The following MRTFB variants were observed in gnomAD, a reference collection of about 807,000 sequenced individuals.
The protein encoded by MRTFB is myocardin-related transcription factor B.
MRTFB carries 29 observed loss-of-function variants against 104.2 expected under a neutral mutation model. The ratio of observed to expected loss-of-function variants is 0.28; its 90% confidence interval spans 0.21 to 0.38. The LOEUF (loss-of-function observed/expected upper bound fraction) is 0.38. Ranked by LOEUF, MRTFB falls within the 10% of genes least tolerant of loss-of-function variation. MRTFB has a pLI of 1.00. For missense variants in MRTFB, 1,270 were observed against 1,341.6 expected (o/e 0.95, Z 0.83); for synonymous variants, 535 against 519.5 (o/e 1.03, Z -0.41).
At chr16:14,036,167 ATATATT>A in the MRTFB span, among the ~76,000 whole-genome samples, 1 of 59,554 alleles carries the variant, frequency 1.7e-5, no homozygotes, top group Non-Finnish European at 3.2e-5. Context: ...TATATAAAAT[ATATATT>A]ATATATTATA....
At chr16:14,195,747 G>A (rs1261901218) in intron 3 of MRTFB, 1 of 183,702 alleles carries the variant, frequency 5.4e-6, no homozygotes, top group Non-Finnish European at 1.0e-5. Flanking sequence ...GCTTTAGCTT[G>A]TAGCACTAGC....
chr16:14,017,709 ATATTTTTT>A, the MRTFB span, among the ~76,000 whole-genome samples: 23 of 15,916 alleles, frequency 1.4e-3, 1 homozygote, highest in South Asian at 0.01. Flanking sequence ...ATATATATAT[ATATTTTTT>A]TTTTTTTTTT....
At position 14,215,801 on chromosome 16, in the gene MRTFB, C is replaced by T. The variant is rs148069941; in HGVS notation, c.353-1325C>T. ...TACATTTATTTACCAATATTCCAAC[C>T]TTGTGCTAGGGCCTTCTCTTTGGGT... On this transcript the variant is annotated intron_variant, in intron 6 of 16. Transcript: ENST00000571589. Among the ~76,000 whole-genome samples the T allele has an allele frequency of 7.2e-5, 11 of 152,324 alleles. No homozygotes were observed. The East Asian group carries it at 2.1e-3, about 29-fold the overall frequency.
chr16:14,243,686 A>G (rs1036653353), intron 10 of MRTFB, among the ~76,000 whole-genome samples: 3 of 152,150 alleles, frequency 2.0e-5, no homozygotes, highest in Admixed American at 6.5e-5. Context: ...AAATTGAAGT[A>G]TAACTTACAC....
At chr16:14,162,173 AATTATTTTTTAATAG>A (rs1396702559) in intron 3 of MRTFB, among the ~76,000 whole-genome samples, 12 of 148,862 alleles carry the variant, frequency 8.1e-5, no homozygotes, top group African/African-American at 3.1e-4. Context: ...AAAAAAAAAA[AATTATTTTTTAATAG>A]CCAAGCATGG....
the MRTFB span, among the ~76,000 whole-genome samples, chr16:13,994,954 C>A: frequency 6.6e-6 from 1 of 152,104 alleles, no homozygotes; most frequent in South Asian, 2.1e-4. Context: ...GGCTTGAAAC[C>A]CAGACGTGTT....
chr16:14,255,763 T>C (rs928259209), intron 15 of MRTFB, among the ~76,000 whole-genome samples: 2 of 152,036 alleles, frequency 1.3e-5, no homozygotes, highest in African/African-American at 4.8e-5. Flanking sequence ...GTTAAGGATA[T>C]GTATTGCATA....
intron 8 of MRTFB, among the ~76,000 whole-genome samples, chr16:14,227,580 C>T (rs1470799897): frequency 3.9e-5 from 6 of 152,098 alleles, no homozygotes; most frequent in East Asian, 1.9e-4. Context: ...GGCACAATCA[C>T]GGCTCACTAC....
intron 10 of MRTFB, among the ~76,000 whole-genome samples, chr16:14,243,005 A>G (rs1597358808): frequency 6.6e-6 from 1 of 152,272 alleles, no homozygotes; most frequent in South Asian, 2.1e-4. Context: ...CCATAAACAC[A>G]TGCTTTATCT....
chr16:14,008,836 C>T, the MRTFB span, among the ~76,000 whole-genome samples: 21 of 149,476 alleles, frequency 1.4e-4, no homozygotes, highest in African/African-American at 5.1e-4. Context: ...TTATTTAGGT[C>T]TTCTTTAGTT....
At chr16:14,056,054 C>T in the MRTFB span, among the ~76,000 whole-genome samples, 14 of 152,182 alleles carry the variant, frequency 9.2e-5, 1 homozygote, top group African/African-American at 2.7e-4. Flanking sequence ...TCTCGGCTCA[C>T]TGCAACCTCT....
chr16:14,056,468 A>C, the MRTFB span, among the ~76,000 whole-genome samples: 1 of 152,124 alleles, frequency 6.6e-6, no homozygotes, highest in Non-Finnish European at 1.5e-5. Flanking sequence ...GGCCATGAGG[A>C]GCTCTACATC....
chr16:14,060,641 C>A, the MRTFB span, among the ~76,000 whole-genome samples: 2,134 of 152,146 alleles, frequency 0.014, 56 homozygotes, highest in African/African-American at 0.048. Flanking sequence ...TGGGAAGCTC[C>A]AGAAATCTGC....
intron 2 of MRTFB, among the ~76,000 whole-genome samples, chr16:14,127,715 C>T (rs539705147): frequency 4.2e-4 from 64 of 150,710 alleles, no homozygotes; most frequent in African/African-American, 1.5e-3. Context: ...TGCACCGTCC[C>T]ACTACTGTTC....
At chr16:14,228,533 G>A (rs565178596) in intron 8 of MRTFB, among the ~76,000 whole-genome samples, 13 of 151,056 alleles carry the variant, frequency 8.6e-5, no homozygotes, top group East Asian at 1.9e-4. Context: ...CCAAGATTGC[G>A]CCACTGCACT....
At chr16:14,051,271 C>T in the MRTFB span, among the ~76,000 whole-genome samples, 2 of 151,852 alleles carry the variant, frequency 1.3e-5, no homozygotes, top group African/African-American at 2.4e-5. Context: ...CAGACACACA[C>T]GGACACACTC....
At chr16:14,010,932 A>G in the MRTFB span, among the ~76,000 whole-genome samples, 1 of 152,248 alleles carries the variant, frequency 6.6e-6, no homozygotes, top group Non-Finnish European at 1.5e-5. Context: ...AGAAAGATCT[A>G]TTGGACAGTG....
At chr16:14,126,844 A>G (rs966915555) in intron 2 of MRTFB, among the ~76,000 whole-genome samples, 14 of 152,166 alleles carry the variant, frequency 9.2e-5, no homozygotes, top group Non-Finnish European at 1.9e-4. Flanking sequence ...TCACAGTTCT[A>G]ATTTGACGAG....
At chr16:14,127,858 C>A (rs1214939789) in intron 2 of MRTFB, among the ~76,000 whole-genome samples, 1 of 140,770 alleles carries the variant, frequency 7.1e-6, no homozygotes, top group African/African-American at 2.5e-5. Context: ...AGGTCCAAGT[C>A]TCTCCTATAT....
Sources: allele counts gnomAD v4.1 joint callset (sites outside exome capture counted in the v4.1 genomes callset), GRCh38; gene constraint gnomAD v4.1.1; transcripts MANE v1.5; gene names NCBI Gene and HGNC (gene_info 2026-07-23, HGNC 2026-07-21).